Variants in HERC2 observed in about 807,000 individuals in gnomAD.
HERC2 encodes HECT and RLD domain containing E3 ubiquitin protein ligase 2, also known as E3 ubiquitin-protein ligase HERC2.
In HERC2, 102 loss-of-function variants were observed where a neutral mutation model predicts 537.7. The observed-to-expected ratio is 0.19, with a 90% CI of 0.16 to 0.22. The LOEUF (loss-of-function observed/expected upper bound fraction) is 0.22. Ranked by LOEUF, HERC2 falls within the 10% of genes least tolerant of loss-of-function variation. The probability of loss-of-function intolerance (pLI) is 1.00; values close to 1 mark genes in which losing one functional copy is unlikely to be tolerated. For synonymous variants in HERC2, 2,224 were observed against 2,466.2 expected, an observed-to-expected ratio of 0.90 and a Z score of 2.91; for missense variants, 4,236 against 6,198.2, an observed-to-expected ratio of 0.68 and a Z score of 10.63.
intron 48 of HERC2, among the ~76,000 whole-genome samples, chr15:28,199,680 G>A (rs961624887): frequency 2.0e-5 from 3 of 152,174 alleles, no homozygotes; most frequent in African/African-American, 7.2e-5. Flanking sequence ...CATCAAGGAA[G>A]GAGCAGGCTG....
chr15:28,124,135 T>C lies in HERC2; in HGVS notation c.13090A>G (p.Ile4364Val). The change falls in exon 85 of 93, where the codon ATC becomes GTC. Residue 4364 changes from isoleucine to valine, a missense_variant. Transcript: ENST00000261609. ...HHLSELFCPC[I>V]PMFDLEGSLD... ...GAGCCTTCCAGGTCGAACATGGGGA[T>C]GCAGGGGCAGAAGAGCTCGGAGAGG... is the stretch of plus-strand genomic sequence containing the variant. 1 of 1,603,148 alleles carries C rather than the reference T, an allele frequency of 6.2e-7. No individual in the cohort carries two copies. Among genetic ancestry groups the C allele is most frequent in the Non-Finnish European group, 8.5e-7 (1 of 1,174,776 alleles).
Position 28,121,341 on chromosome 15 carries a change from G to T in HERC2, c.13272+5C>A. 2 of 1,611,652 alleles carry T rather than the reference G, an allele frequency of 1.2e-6. No individual in the cohort carries two copies. The highest frequency in any genetic ancestry group is 1.7e-6 in the Non-Finnish European group (2 of 1,177,716). ...CAGACTTGGAGAGTAATCTCCATGT[G>T]CTACCTGGATGCGGTTCAGCTCCAC... On this transcript the variant is annotated splice_donor_5th_base_variant and intron_variant, in intron 86 of 92. Coordinates refer to ENST00000261609, the MANE Select transcript of HERC2 (RefSeq NM_004667.6).
At chr15:28,143,004 G>A in intron 74 of HERC2, 52 bp from the exon 75 acceptor site, 3 of 1,580,582 alleles carry the variant, frequency 1.9e-6, no homozygotes, top group Non-Finnish European at 2.6e-6. Context: ...TGCCGGGGAG[G>A]CTGACCATTT....
chr15:28,181,836 C>T (rs1895850158), intron 57 of HERC2, among the ~76,000 whole-genome samples: 1 of 152,220 alleles, frequency 6.6e-6, no homozygotes, highest in Admixed American at 6.5e-5. Flanking sequence ...CACGGCTTCC[C>T]GTGCAAGCTT....
chr15:28,267,473 T>C (rs1340665330), intron 12 of HERC2, among the ~76,000 whole-genome samples: 1 of 152,228 alleles, frequency 6.6e-6, no homozygotes. Flanking sequence ...TGTACCTCGA[T>C]GCCTTTCAAG....
intron 2 of HERC2, among the ~76,000 whole-genome samples, chr15:28,305,210 T>G (rs574046292): frequency 6.7e-6 from 1 of 150,096 alleles, no homozygotes; most frequent in Admixed American, 6.6e-5. Context: ...GCATGATTTA[T>G]AGTCATTTGG....
intron 52 of HERC2, 108 bp from the exon 53 acceptor site, chr15:28,192,259 T>C: frequency 3.0e-6 from 3 of 987,136 alleles, no homozygotes; most frequent in Non-Finnish European, 2.9e-6. Context: ...AATAGAAAGT[T>C]TCAAACTGAA....
Position 28,116,695 on chromosome 15 carries a change from G to C in HERC2, c.13579C>G (p.Pro4527Ala), listed in dbSNP as rs758884003. 1.9e-6 allele frequency: 3 copies of C among 1,613,312 alleles called. No individual in the cohort carries two copies. The highest frequency in any genetic ancestry group is 1.7e-4 in the Middle Eastern group (1 of 5,968). The stretch of plus-strand genomic sequence containing the variant: ...AAGCGGAACATGCTGCTGTGCACGG[G>C]TGCTCTGGCGGCCGGGCTGAGCAGG... ...CYLLSPAARAPVHSSMFRFLG... is the reference protein window; with the variant it reads ...CYLLSPAARAAVHSSMFRFLG... Residue 4527 changes from proline to alanine, a missense_variant, in exon 88 of 93, where the codon CCC (proline) becomes GCC (alanine). By Grantham distance (27) the Pro-to-Ala change is conservative. Coordinates refer to ENST00000261609, the MANE Select transcript of HERC2 (RefSeq NM_004667.6).
chr15:28,191,855 G>A, intron 53 of HERC2, 106 bp downstream of exon 53: 1 of 845,728 alleles, frequency 1.2e-6, no homozygotes, highest in East Asian at 2.6e-5. Context: ...GTACTGACAG[G>A]TGCTATCAGC....
Position 28,218,232 on chromosome 15 carries a change from T to C in HERC2, c.6028+257A>G, listed in dbSNP as rs568462338. Among the ~76,000 whole-genome samples, 1,164 of 151,866 alleles carry C rather than the reference T, an allele frequency of 7.7e-3. 19 individuals are homozygous for C. Among genetic ancestry groups the C allele is most frequent in the African/African-American group, 0.027 (1,106 of 41,262 alleles). ...AGCCGAGGAACGCTAAAGAGACCAG[T>C]AAACTCCAGAAGCTGGGGCAGAGCC... On this transcript the variant is annotated intron_variant, in intron 38 of 92. Coordinates refer to ENST00000261609, the MANE Select transcript of HERC2 (RefSeq NM_004667.6).
In HERC2 at chr15:28,304,165, C is replaced by CAAAAAAA. The variant is rs779514776; in HGVS notation, c.73-4656_73-4650dup. Among the ~76,000 whole-genome samples, 10 of 63,820 alleles carry CAAAAAAA rather than the reference C, an allele frequency of 1.6e-4. 1 individual carries two copies. The highest frequency in any genetic ancestry group is 3.9e-4 in the African/African-American group (7 of 18,048). 41.9% of individuals were successfully genotyped at this position (63,820 alleles called of 152,430 possible). A position where few individuals can be genotyped will look rare whatever the true frequency, so the allele number is the denominator to read the frequency against. On this transcript the variant is annotated intron_variant, in intron 2 of 92. Transcript: ENST00000261609. ...TGGGCCACAGAGTGAGACTCCATCT[C>CAAAAAAA]AAAAAAAAAAAAAAAAAAAAAAAAA...
chr15:28,186,950 A>G (rs56809329), intron 55 of HERC2, among the ~76,000 whole-genome samples, 198 bp from the exon 56 acceptor site: 18,791 of 152,150 alleles, frequency 0.12, 3,922 homozygotes, highest in African/African-American at 0.43. Context: ...GAAGTGGTCA[A>G]CTCATCAAGA....
At chr15:28,240,575 A>G (rs1170076608) in intron 23 of HERC2, among the ~76,000 whole-genome samples, 5 of 152,224 alleles carry the variant, frequency 3.3e-5, no homozygotes, top group Non-Finnish European at 7.3e-5. Context: ...TTCATAATAA[A>G]CAGATTACAA....
chr15:28,117,371 G>A (rs768396990), intron 86 of HERC2: 74 of 701,870 alleles, frequency 1.1e-4, no homozygotes, highest in East Asian at 4.8e-4. Context: ...TGGGCATGTC[G>A]CCAGTGATGT....
At chr15:28,251,627 C>T (rs1050817047) in intron 20 of HERC2, among the ~76,000 whole-genome samples, 9 of 151,998 alleles carry the variant, frequency 5.9e-5, no homozygotes, top group African/African-American at 1.7e-4. Flanking sequence ...ATGGTGAAAC[C>T]CTGTCTCTAC....
At position 28,191,171 on chromosome 15, in the gene HERC2, C is replaced by T. The variant is rs1817826919; in HGVS notation, c.8525G>A (p.Ser2842Asn). 1 of 1,613,648 alleles carries T rather than the reference C, an allele frequency of 6.2e-7. No homozygotes were observed. Among genetic ancestry groups the T allele is most frequent in the African/African-American group, 1.3e-5 (1 of 74,902 alleles). Residue 2842 changes from serine to asparagine, a missense_variant, in exon 54 of 93, where the codon AGT becomes AAT. By Grantham distance (46) the Ser-to-Asn change is conservative (BLOSUM62 1). Around this residue, in one of 27 missense-constraint regions of HERC2, gnomAD observed 606 missense variants for 884.5 expected, o/e 0.69. Coordinates refer to ENST00000261609, the MANE Select transcript of HERC2 (RefSeq NM_004667.6). ...RLKMIVDPADSSYMPSLVVVS... is the reference protein window; with the variant it reads ...RLKMIVDPADNSYMPSLVVVS... ...TACAACCAGGGACGGCATGTAGCTA[C>T]TGTCAGCAGGATCTACGATCATTTT...
intron 69 of HERC2, among the ~76,000 whole-genome samples, chr15:28,160,502 G>A (rs1596086598): frequency 1.3e-5 from 2 of 152,230 alleles, no homozygotes; most frequent in South Asian, 2.1e-4. Context: ...AGCAATGAGC[G>A]AGGCTCCGTG....
At chr15:28,277,100 A>G (rs2075894506) in intron 5 of HERC2, among the ~76,000 whole-genome samples, 1 of 152,186 alleles carries the variant, frequency 6.6e-6, no homozygotes, top group Non-Finnish European at 1.5e-5. Context: ...AATAACAATA[A>G]TAAAAAATTT....
At chr15:28,142,738 T>C in intron 75 of HERC2, 89 bp downstream of exon 75, 1 of 1,485,180 alleles carries the variant, frequency 6.7e-7, no homozygotes, top group Non-Finnish European at 9.2e-7. Context: ...CTCAGAGGCC[T>C]AAAACACACA....
Sources: gnomAD v4.1 joint callset for allele counts (sites outside exome capture counted in the v4.1 genomes callset) on GRCh38, gnomAD v4.1.1 for gene constraint, gnomAD v4.1.1 regional missense constraint, MANE v1.5 for transcripts, NCBI Gene and HGNC (gene_info 2026-07-23, HGNC 2026-07-21) for gene names.